The following CDH18 variants were observed in gnomAD, a reference collection of about 807,000 sequenced individuals.
CDH18 encodes the protein cadherin 18, also known as cadherin-18.
Under a neutral mutation model 67.9 loss-of-function variants are expected in CDH18, and 31 were observed. The ratio of observed to expected loss-of-function variants is 0.46; its 90% CI spans 0.34 to 0.62. The LOEUF (loss-of-function observed/expected upper bound fraction) is 0.62, where lower values mean the gene tolerates loss of function less well. CDH18 is among the 20% of genes least tolerant of loss of function. The pLI is 0.01. For synonymous variants in CDH18, 362 were observed against 347.2 expected, an observed-to-expected ratio of 1.04 and a Z score of -0.48; for missense variants, 890 against 975.5, an observed-to-expected ratio of 0.91 and a Z score of 1.17.
chr5:20,346,195 A>G (rs1740681245), intron 1 of CDH18, among the ~76,000 whole-genome samples: 1 of 152,142 alleles, frequency 6.6e-6, no homozygotes, highest in Non-Finnish European at 1.5e-5. Flanking sequence ...CTGTGTTTCC[A>G]CCTGGAGACT....
chr5:19,612,164 G>A (rs1285158506), intron 6 of CDH18, among the ~76,000 whole-genome samples: 1 of 152,140 alleles, frequency 6.6e-6, no homozygotes, highest in Non-Finnish European at 1.5e-5. Context: ...AAGGCAAGAT[G>A]CCATTTTTTA....
At chr5:20,028,628 A>AG (rs1446136135) in intron 2 of CDH18, among the ~76,000 whole-genome samples, 2 of 152,166 alleles carry the variant, frequency 1.3e-5, no homozygotes, top group Non-Finnish European at 2.9e-5. Context: ...TAGTTCCTAA[A>AG]GCCACTTAAA....
At chr5:19,754,161 A>G (rs1771220548) in intron 3 of CDH18, among the ~76,000 whole-genome samples, 1 of 152,182 alleles carries the variant, frequency 6.6e-6, no homozygotes, top group African/African-American at 2.4e-5. Context: ...CTCACATCTC[A>G]ACATTAACAT....
intron 2 of CDH18, among the ~76,000 whole-genome samples, chr5:19,939,930 G>A (rs572466029): frequency 6.6e-6 from 1 of 151,774 alleles, no homozygotes; most frequent in Non-Finnish European, 1.5e-5. Context: ...CCAAAATTTG[G>A]GAATTCTTTC....
intron 2 of CDH18, among the ~76,000 whole-genome samples, chr5:19,936,500 A>G (rs1254797753): frequency 6.6e-6 from 1 of 151,216 alleles, no homozygotes; most frequent in Admixed American, 6.6e-5. Context: ...AACAATGATT[A>G]AAAATAATGT....
At chr5:19,604,284 C>T (rs995305038) in intron 6 of CDH18, among the ~76,000 whole-genome samples, 2 of 151,968 alleles carry the variant, frequency 1.3e-5, no homozygotes, top group Non-Finnish European at 2.9e-5. Context: ...CCCTATCTTA[C>T]AAAAGCTGTA....
chr5:20,510,886 G>A (rs1217138817), intron 1 of CDH18, among the ~76,000 whole-genome samples: 2 of 152,102 alleles, frequency 1.3e-5, no homozygotes, highest in Admixed American at 1.3e-4. Context: ...CAAAAAAAAT[G>A]CAAGTAGACA....
intron 9 of CDH18, among the ~76,000 whole-genome samples, chr5:19,537,520 T>A (rs916810289): frequency 1.3e-4 from 20 of 152,074 alleles, no homozygotes; most frequent in African/African-American, 4.6e-4. Flanking sequence ...TGGAGAATCC[T>A]AATACACAAA....
chr5:20,207,199 A>T (rs1309614223), intron 2 of CDH18, among the ~76,000 whole-genome samples: 1 of 152,042 alleles, frequency 6.6e-6, no homozygotes, highest in Non-Finnish European at 1.5e-5. Flanking sequence ...ATAAGCCAAC[A>T]TTGAACAATG....
chr5:20,161,941 A>T (rs1735921666), intron 2 of CDH18, among the ~76,000 whole-genome samples: 1 of 150,144 alleles, frequency 6.7e-6, no homozygotes, highest in Non-Finnish European at 1.5e-5. Context: ...ATTCTCAGTG[A>T]TTTTTTTTTT....
At chr5:20,172,228 A>ATATATATATGTATATATATATG (rs1736864776) in intron 2 of CDH18, among the ~76,000 whole-genome samples, 2 of 110,734 alleles carry the variant, frequency 1.8e-5, no homozygotes, top group African/African-American at 3.8e-5. Context: ...ATATATGTAT[A>ATATATATATGTATATATATATG]TATATATATA....
chr5:20,466,468 A>G (rs1751640211), intron 1 of CDH18, among the ~76,000 whole-genome samples: 1 of 152,108 alleles, frequency 6.6e-6, no homozygotes, highest in Non-Finnish European at 1.5e-5. Context: ...TTAGAATCAC[A>G]CAATTATGTC....
At chr5:20,560,630 A>G (rs1758156145) in intron 1 of CDH18, among the ~76,000 whole-genome samples, 1 of 152,010 alleles carries the variant, frequency 6.6e-6, no homozygotes, top group Non-Finnish European at 1.5e-5. Flanking sequence ...AGCTTCTCCT[A>G]GTTAGAAATA....
intron 5 of CDH18, among the ~76,000 whole-genome samples, chr5:19,688,454 A>G (rs1026189838): frequency 2.0e-5 from 3 of 152,194 alleles, no homozygotes; most frequent in African/African-American, 7.2e-5. Flanking sequence ...TGAAGAAGGC[A>G]TATGAAGACT....
At chr5:19,907,169 A>T (rs775697478) in intron 2 of CDH18, among the ~76,000 whole-genome samples, 5 of 152,116 alleles carry the variant, frequency 3.3e-5, no homozygotes, top group Non-Finnish European at 5.9e-5. Context: ...AGACATTGCC[A>T]TATAAAAAAA....
rs975885151 is a variant in CDH18, at chr5:19,472,261, T to G, written c.*965A>C. Reference sequence around the variant, plus strand: ...AATTACTGCTCGTGTTGAAAATAAGTGAATTAGACTGAAGTACAAACCAGC... The same window carrying G: ...AATTACTGCTCGTGTTGAAAATAAGGGAATTAGACTGAAGTACAAACCAGC... On this transcript the variant is annotated 3_prime_UTR_variant, in exon 13 of 13. Transcript: ENST00000382275. Among the ~76,000 whole-genome samples, 1 of 152,058 alleles carries G rather than the reference T, an allele frequency of 6.6e-6. No individual in the cohort carries two copies. The highest frequency in any genetic ancestry group is 1.5e-5 in the Non-Finnish European group (1 of 68,008).
Position 20,463,261 on chromosome 5 carries a change from G to C in CDH18, c.-580+112201C>G, listed in dbSNP as rs73060645. 1.4e-3 allele frequency among the ~76,000 whole-genome samples: 204 copies of C among 145,016 alleles called. 1 individual carries two copies. The highest frequency in any genetic ancestry group is 4.9e-3 in the African/African-American group (199 of 40,390). On this transcript the variant is annotated intron_variant, in intron 1 of 14. Transcript: ENST00000507958. ...TTTGTGATGCAATTCTCTATGTGGA[G>C]AGAATTCTTTGTAGAGTTAAGGCTG...
intron 1 of CDH18, among the ~76,000 whole-genome samples, chr5:20,420,181 A>G (rs1426618182): frequency 3.3e-5 from 5 of 151,148 alleles, no homozygotes; most frequent in Non-Finnish European, 5.9e-5. Context: ...TCATGTGGCT[A>G]CTTTGAAGAT....
intron 2 of CDH18, among the ~76,000 whole-genome samples, chr5:20,248,005 ATAAT>A (rs1423526170): frequency 3.3e-5 from 5 of 152,200 alleles, no homozygotes; most frequent in African/African-American, 7.2e-5. Flanking sequence ...TTTCTAATAA[ATAAT>A]TATTTTACTT....
Sources: allele counts gnomAD v4.1 joint callset (sites outside exome capture counted in the v4.1 genomes callset), GRCh38; gene constraint gnomAD v4.1.1; transcripts MANE v1.5; gene names NCBI Gene and HGNC (gene_info 2026-07-23, HGNC 2026-07-21).